The following DOCK9 variants were observed in gnomAD, a reference collection of about 807,000 sequenced individuals.
The protein encoded by DOCK9 is dedicator of cytokinesis protein 9.
A neutral mutation model predicts 263.3 loss-of-function variants in DOCK9; 89 were observed. That is an observed-to-expected ratio of 0.34 (90% CI 0.28 to 0.40). The LOEUF (loss-of-function observed/expected upper bound fraction) is 0.40. Among genes scored for constraint, DOCK9 ranks in the 10% least tolerant of loss-of-function variants. The probability of loss-of-function intolerance (pLI) is 1.00; values close to 1 mark genes in which losing one functional copy is unlikely to be tolerated. For synonymous variants in DOCK9, 976 were observed against 973.1 expected (o/e 1.00, Z -0.06); for missense variants, 2,140 against 2,603.4 (o/e 0.82, Z 3.87).
chr13:99,001,214 T>A (rs1321346400), intron 1 of DOCK9, among the ~76,000 whole-genome samples: 1 of 152,230 alleles, frequency 6.6e-6, no homozygotes, highest in Non-Finnish European at 1.5e-5. Context: ...TACATTTACT[T>A]GCTGGTACGA....
chr13:98,839,628 C>T (rs1260458450), intron 38 of DOCK9, among the ~76,000 whole-genome samples: 1 of 152,224 alleles, frequency 6.6e-6, no homozygotes, highest in Non-Finnish European at 1.5e-5. Flanking sequence ...CTGTCCTTTT[C>T]TTGGTCTAGA....
chr13:98,946,037 G>C (rs944549821), intron 2 of DOCK9, among the ~76,000 whole-genome samples: 1 of 152,164 alleles, frequency 6.6e-6, no homozygotes, highest in Non-Finnish European at 1.5e-5. Context: ...CAAGCCTCGC[G>C]GGGGAGACAG....
At chr13:98,990,627 G>A (rs1879585412) in intron 1 of DOCK9, among the ~76,000 whole-genome samples, 1 of 152,190 alleles carries the variant, frequency 6.6e-6, no homozygotes, top group African/African-American at 2.4e-5. Context: ...CCCAAGGCTG[G>A]TGTGCCACCT....
Position 98,881,985 on chromosome 13 carries a change from T to TG in DOCK9, c.2581dup (p.His861ProfsTer29). 1 of 1,594,474 alleles carries TG rather than the reference T, an allele frequency of 6.3e-7. No homozygotes were observed. Among genetic ancestry groups the TG allele is most frequent in the East Asian group, 2.3e-5 (1 of 44,188 alleles). ...AGTGGGCAAGAAGGCGATCATCACG[T>TG]GGCCTTCCATCGCATGCAGACTCTA... On this transcript the variant is annotated frameshift_variant, in exon 24 of 53. Coordinates refer to ENST00000682017, the MANE Select transcript of DOCK9 (RefSeq NM_001366683.2). LOFTEE classifies it high-confidence loss of function.
intron 35 of DOCK9, among the ~76,000 whole-genome samples, chr13:98,853,026 TTTAAG>T (rs2093615577): frequency 6.6e-6 from 1 of 152,210 alleles, no homozygotes; most frequent in African/African-American, 2.4e-5. Context: ...AACACAGTTA[TTTAAG>T]TTGACAGTAA....
rs1286343497 is a variant in DOCK9 at position 99,071,306 on chromosome 13, C to CCTTTTTTTTTTTTTTTT, written c.129+14916_129+14917insAAAAAAAAAAAAAAAAG. Among the ~76,000 whole-genome samples, 7 of 49,330 alleles carry CCTTTTTTTTTTTTTTTT rather than the reference C, an allele frequency of 1.4e-4. 1 individual carries two copies. The highest frequency in any genetic ancestry group is 1.3e-3 in the East Asian group (2 of 1,488). 32.4% of individuals were successfully genotyped at this position (49,330 alleles called of 152,430 possible). ...TACAGGTGCTTGCCACCATGCCTGG[C>CCTTTTTTTTTTTTTTTT]TTTTTTTTTTTTTTTTTTTTTTTTT... On this transcript the variant is annotated intron_variant, in intron 1 of 32. Transcript: ENST00000427887.
At chr13:99,066,708 G>T (rs949658319) in intron 1 of DOCK9, among the ~76,000 whole-genome samples, 1 of 151,696 alleles carries the variant, frequency 6.6e-6, no homozygotes. Context: ...AGCTTAAAAG[G>T]AAATTACCTG....
At chr13:99,083,668 T>C (rs1040567085) in intron 1 of DOCK9, among the ~76,000 whole-genome samples, 7 of 152,210 alleles carry the variant, frequency 4.6e-5, no homozygotes, top group African/African-American at 1.7e-4. Context: ...TAATACAAAA[T>C]CATTCATGAA....
chr13:98,908,463 A>C (rs2049458421), intron 9 of DOCK9, among the ~76,000 whole-genome samples: 1 of 152,132 alleles, frequency 6.6e-6, no homozygotes, highest in Non-Finnish European at 1.5e-5. Flanking sequence ...TGAAAAAAAA[A>C]CCTTAAATGT....
At chr13:98,907,385 T>C (rs1404577982) in intron 9 of DOCK9, among the ~76,000 whole-genome samples, 1 of 152,240 alleles carries the variant, frequency 6.6e-6, no homozygotes, top group Non-Finnish European at 1.5e-5. Context: ...TGAAAGATGC[T>C]TGTTGTCTTG....
chr13:99,053,880 A>T (rs1210482503), intron 1 of DOCK9, among the ~76,000 whole-genome samples: 2 of 152,166 alleles, frequency 1.3e-5, no homozygotes, highest in African/African-American at 4.8e-5. Context: ...AGAAAACACC[A>T]GGAGGTTTTG....
chr13:98,858,820 A>C (rs2093772596), intron 33 of DOCK9: 8 of 152,196 alleles, frequency 5.3e-5, no homozygotes. Context: ...GCCTATCTCC[A>C]AGTTCTAAAG....
intron 1 of DOCK9, chr13:98,959,511 A>G (rs1376082018): frequency 6.6e-6 from 1 of 152,320 alleles, no homozygotes; most frequent in Admixed American, 6.5e-5. Flanking sequence ...AAAAGGGATC[A>G]ACTGGGAGTG....
rs1434995063 is a variant in DOCK9, at chr13:98,793,817, A to G, written c.*809T>C. ...AGAATAAAACATTAAAGTGTATTGC[A>G]TATACTGGAACAGCACAAATTTATC... On this transcript the variant is annotated 3_prime_UTR_variant, in exon 53 of 53. Coordinates refer to ENST00000682017, the MANE Select transcript of DOCK9 (RefSeq NM_001366683.2). 6.6e-6 allele frequency: 1 copy of G among 152,666 alleles called. No homozygotes were observed. The highest frequency in any genetic ancestry group is 1.5e-5 in the Non-Finnish European group (1 of 68,048). 9.5% of individuals were successfully genotyped at this position (152,666 alleles called of 1,614,324 possible).
chr13:99,016,551 A>T (rs548887810), intron 1 of DOCK9, among the ~76,000 whole-genome samples: 11 of 152,328 alleles, frequency 7.2e-5, no homozygotes, highest in African/African-American at 2.2e-4. Context: ...AGTCAGCATG[A>T]TTATGTTTGG....
chr13:99,050,085 T>C (rs1008052467), intron 1 of DOCK9, among the ~76,000 whole-genome samples: 24 of 152,226 alleles, frequency 1.6e-4, no homozygotes, highest in African/African-American at 5.5e-4. Flanking sequence ...TTTCAACATG[T>C]AAGATGACAC....
intron 1 of DOCK9, among the ~76,000 whole-genome samples, chr13:99,031,382 G>C (rs1162774361): frequency 2.6e-5 from 4 of 152,186 alleles, no homozygotes; most frequent in African/African-American, 4.8e-5. Flanking sequence ...TCTGAAATAT[G>C]AGCCAGGGCT....
Position 99,056,604 on chromosome 13 carries a change from T to C in DOCK9, c.129+29619A>G, listed in dbSNP as rs145956578. Among the ~76,000 whole-genome samples the C allele has an allele frequency of 3.1e-3, 475 of 152,348 alleles. 2 individuals are homozygous for C. The highest frequency in any genetic ancestry group is 5.4e-3 in the Admixed American group (82 of 15,308). Reference sequence around the variant, plus strand: ...TAGAAGTCATTTCTGGATGGATTTATGTTTGGGGGCAACAAACTCCTCCCC... The same window carrying C: ...TAGAAGTCATTTCTGGATGGATTTACGTTTGGGGGCAACAAACTCCTCCCC... On this transcript the variant is annotated intron_variant, in intron 1 of 32. Transcript: ENST00000427887.
At chr13:98,950,579 A>G in intron 2 of DOCK9, 1 of 292,528 alleles carries the variant, frequency 3.4e-6, no homozygotes, top group African/African-American at 2.2e-5. Context: ...CTGGGGTTAC[A>G]GGCGTGAGCC....
Sources: gnomAD v4.1 joint callset for allele counts (sites outside exome capture counted in the v4.1 genomes callset) on GRCh38, gnomAD v4.1.1 for gene constraint, MANE v1.5 for transcripts, NCBI Gene and HGNC (gene_info 2026-07-23, HGNC 2026-07-21) for gene names.